The following AOAH variants were observed in gnomAD, a reference collection of about 807,000 sequenced individuals.
The protein encoded by AOAH is acyloxyacyl hydrolase (neutrophil).
A neutral mutation model predicts 92.2 loss-of-function variants in AOAH; 64 were observed. The ratio of observed to expected loss-of-function variants is 0.69; its 90% CI spans 0.57 to 0.86. The LOEUF (loss-of-function observed/expected upper bound fraction) is 0.86. Ranked by LOEUF, AOAH falls within the 40% of genes least tolerant of loss-of-function variation. The probability of loss-of-function intolerance (pLI) is 0.00; values close to 1 mark genes in which losing one functional copy is unlikely to be tolerated. For missense variants in AOAH, 656 were observed against 694.6 expected (o/e 0.94, Z 0.62); for synonymous variants, 263 against 254.5 (o/e 1.03, Z -0.32).
chr7:36,622,495 G>A (rs1022034111), intron 7 of AOAH, among the ~76,000 whole-genome samples: 3 of 152,188 alleles, frequency 2.0e-5, no homozygotes, highest in African/African-American at 7.2e-5. Flanking sequence ...TTGGGACTTT[G>A]TGACATGTTA....
chr7:36,675,828 G>A (rs936287410), intron 2 of AOAH, among the ~76,000 whole-genome samples: 10 of 152,146 alleles, frequency 6.6e-5, no homozygotes, highest in African/African-American at 2.4e-4. Flanking sequence ...GCAAAATTGG[G>A]TTAACATCTG....
intron 13 of AOAH, among the ~76,000 whole-genome samples, chr7:36,558,248 C>A (rs564693734): frequency 6.6e-6 from 1 of 152,150 alleles, no homozygotes. Flanking sequence ...GCTAGAAGTC[C>A]ACTCCAGACC....
At chr7:36,696,588 G>T (rs1344825394) in intron 1 of AOAH, among the ~76,000 whole-genome samples, 1 of 152,086 alleles carries the variant, frequency 6.6e-6, no homozygotes, top group Admixed American at 6.5e-5. Flanking sequence ...CAAGCCAGGC[G>T]CATTGGCTCA....
chr7:36,515,742 A>C (rs1178696781), intron 20 of AOAH, among the ~76,000 whole-genome samples: 1 of 110,462 alleles, frequency 9.1e-6, no homozygotes, highest in Non-Finnish European at 1.8e-5. Flanking sequence ...CACACACACC[A>C]CACACCACAC....
At chr7:36,575,011 A>ATTT (rs10652764) in intron 13 of AOAH, among the ~76,000 whole-genome samples, 3,623 of 150,156 alleles carry the variant, frequency 0.024, 149 homozygotes, top group African/African-American at 0.083. Context: ...CTCACAGATG[A>ATTT]TTTTTTTTTT....
rs145928007 is a variant in AOAH, at chr7:36,520,912, G to A, written c.1599+1127C>T. Among the ~76,000 whole-genome samples the A allele has an allele frequency of 3.2e-3, 490 of 152,314 alleles. 1 individual carries two copies. The highest frequency in any genetic ancestry group is 4.7e-3 in the Non-Finnish European group (320 of 68,032). On this transcript the variant is annotated intron_variant, in intron 20 of 20. Transcript: ENST00000617537. Reference sequence around the variant, plus strand: ...TTTTTGTGTGTGGCTATTTAAATCCGTGAGGTGGGCATTTAATACTTACTT... The same window carrying A: ...TTTTTGTGTGTGGCTATTTAAATCCATGAGGTGGGCATTTAATACTTACTT...
At chr7:36,713,170 G>A (rs780482706) in intron 1 of AOAH, among the ~76,000 whole-genome samples, 1 of 152,038 alleles carries the variant, frequency 6.6e-6, no homozygotes, top group Non-Finnish European at 1.5e-5. Context: ...AAAAGGCAGG[G>A]GTTGCAATCC....
At chr7:36,618,275 C>T (rs759089638) in intron 10 of AOAH, 22 bp downstream of exon 10, 3 of 1,601,636 alleles carry the variant, frequency 1.9e-6, no homozygotes, top group Admixed American at 3.3e-5. Context: ...ATTATAACCA[C>T]AATGACATCC....
At position 36,671,754 on chromosome 7, in the gene AOAH, T is replaced by G. The variant is rs141790839; in HGVS notation, c.290+2189A>C. 9.2e-5 allele frequency among the ~76,000 whole-genome samples: 14 copies of G among 152,096 alleles called. No homozygotes were observed. In the East Asian group the frequency reaches 2.7e-3, roughly 29 times the overall value. On this transcript the variant is annotated intron_variant, in intron 3 of 20. Transcript: ENST00000617537. ...GGTAGAGGTTTTGGATGTGCCAAGCTGAGTGAACATCTCGTACAAAGATCC... is the reference window on the plus strand; with the variant it reads ...GGTAGAGGTTTTGGATGTGCCAAGCGGAGTGAACATCTCGTACAAAGATCC...
In AOAH at chr7:36,513,099, T is replaced by C. The variant is rs199759128; in HGVS notation, c.*153A>G. ...ACAGCATTGCACAGTCGTCCAGATA[T>C]GCTCTTCATTGAGAGAAAGACATTT... On this transcript the variant is annotated 3_prime_UTR_variant, in exon 21 of 21. Coordinates refer to ENST00000617537, the MANE Select transcript of AOAH (RefSeq NM_001637.4). The C allele has an allele frequency of 6.3e-7, 1 of 1,592,234 alleles. No individual in the cohort carries two copies. The highest frequency in any genetic ancestry group is 8.5e-7 in the Non-Finnish European group (1 of 1,174,460).
chr7:36,651,276 T>C (rs1049179954), intron 4 of AOAH, among the ~76,000 whole-genome samples: 9 of 152,240 alleles, frequency 5.9e-5, no homozygotes, highest in African/African-American at 1.9e-4. Context: ...TTATTCTACA[T>C]AAATATTTGT....
chr7:36,599,119 CAT>C (rs1200398930), intron 11 of AOAH, among the ~76,000 whole-genome samples: 2 of 152,184 alleles, frequency 1.3e-5, no homozygotes, highest in African/African-American at 2.4e-5. Context: ...ATAGTTGGCA[CAT>C]GTTTACTATT....
intron 13 of AOAH, among the ~76,000 whole-genome samples, chr7:36,549,874 G>C (rs1786075396): frequency 6.6e-6 from 1 of 152,152 alleles, no homozygotes; most frequent in African/African-American, 2.4e-5. Flanking sequence ...AATGTTACGA[G>C]AATTACCCAC....
chr7:36,639,727 A>G (rs1793768409), intron 4 of AOAH, among the ~76,000 whole-genome samples: 1 of 152,250 alleles, frequency 6.6e-6, no homozygotes, highest in Admixed American at 6.5e-5. Flanking sequence ...CTTGTTGAAG[A>G]AAATGATGTG....
intron 13 of AOAH, among the ~76,000 whole-genome samples, chr7:36,563,868 C>A (rs577820560): frequency 6.6e-6 from 1 of 152,316 alleles, no homozygotes; most frequent in East Asian, 1.9e-4. Context: ...ATTGAGACTA[C>A]TCTATTGACC....
chr7:36,531,063 C>A (rs944788717), intron 18 of AOAH, among the ~76,000 whole-genome samples: 8 of 152,132 alleles, frequency 5.3e-5, no homozygotes. Flanking sequence ...ATAATATAGT[C>A]ACGTATAAAC....
Position 36,720,006 on chromosome 7 carries a change from C to A in AOAH, c.127+4016G>T, listed in dbSNP as rs1000086225. Among the ~76,000 whole-genome samples, 7 of 151,916 alleles carry A rather than the reference C, an allele frequency of 4.6e-5. No homozygotes were observed. The East Asian group carries it at 1.3e-3, about 29-fold the overall frequency. On this transcript the variant is annotated intron_variant, in intron 1 of 20. Transcript: ENST00000617537. ...GATCAGAAATCCAGCTGCCTAATCACCTTTTGCTCAGAAAAGTTTCTGTGG... is the reference window on the plus strand; with the variant it reads ...GATCAGAAATCCAGCTGCCTAATCAACTTTTGCTCAGAAAAGTTTCTGTGG...
chr7:36,663,057 T>G (rs773906136), intron 3 of AOAH, among the ~76,000 whole-genome samples: 1 of 151,600 alleles, frequency 6.6e-6, no homozygotes, highest in South Asian at 2.1e-4. Context: ...TTGCTGAATC[T>G]TTAAGCAGTC....
intron 4 of AOAH, among the ~76,000 whole-genome samples, chr7:36,649,390 C>T (rs961982432): frequency 1.3e-5 from 2 of 152,192 alleles, no homozygotes; most frequent in African/African-American, 4.8e-5. Context: ...GCATGAGAGA[C>T]AGGACTAGCT....
Sources: gnomAD v4.1 joint callset for allele counts (sites outside exome capture counted in the v4.1 genomes callset) on GRCh38, gnomAD v4.1.1 for gene constraint, MANE v1.5 for transcripts, NCBI Gene and HGNC (gene_info 2026-07-23, HGNC 2026-07-21) for gene names.